PALM2AKAP2: variants seen among roughly 807,000 people sequenced by gnomAD.
The protein encoded by PALM2AKAP2 is PALM2 and AKAP2 fusion, also known as PALM2-AKAP2 fusion protein.
Under a neutral mutation model 71.5 loss-of-function variants are expected in PALM2AKAP2, and 37 were observed. The ratio of observed to expected loss-of-function variants is 0.52; its 90% CI spans 0.40 to 0.68. The LOEUF (loss-of-function observed/expected upper bound fraction) is 0.68, where lower values mean the gene tolerates loss of function less well. Ranked by LOEUF, PALM2AKAP2 falls within the 30% of genes least tolerant of loss-of-function variation. The probability of loss-of-function intolerance (pLI) is 0.00; values close to 1 mark genes in which losing one functional copy is unlikely to be tolerated. For missense variants in PALM2AKAP2, 1,224 were observed against 1,191.8 expected (o/e 1.03, Z -0.40); for synonymous variants, 468 against 478.8 (o/e 0.98, Z 0.29).
At chr9:110,156,349 C>T (rs1345614902) in exon 3 of PALM2AKAP2, 2 of 1,600,580 alleles carry the variant, frequency 1.2e-6, no homozygotes, top group East Asian at 2.2e-5. Flanking sequence ...CCTCCTCCAT[C>T]CCCCACCACT....
chr9:109,759,832 C>G lies in PALM2AKAP2; in HGVS notation c.6-20656C>G, dbSNP rs144444514. 3.4e-4 allele frequency among the ~76,000 whole-genome samples: 51 copies of G among 152,206 alleles called. No homozygotes were observed. In the East Asian group the frequency reaches 7.1e-3, roughly 21 times the overall value. ...AGCACTGCCAATTTCCTATACTGAT[C>G]ATAGATTTTTCCTAATGAAAGGCTC... On this transcript the variant is annotated intron_variant, in intron 1 of 6. Transcript: ENST00000374531.
intron 1 of PALM2AKAP2, among the ~76,000 whole-genome samples, chr9:109,682,759 G>C (rs191730977): frequency 2.0e-5 from 3 of 152,164 alleles, no homozygotes; most frequent in Non-Finnish European, 2.9e-5. Context: ...AGATAACGTC[G>C]TTGGCGAAGC....
At chr9:110,133,184 A>G (rs181451383) in intron 1 of PALM2AKAP2, among the ~76,000 whole-genome samples, 2 of 152,256 alleles carry the variant, frequency 1.3e-5, no homozygotes, top group African/African-American at 2.4e-5. Context: ...ATCATCGAGC[A>G]CTTGAAGTGT....
chr9:109,955,800 A>T (rs1831735320), intron 6 of PALM2AKAP2, among the ~76,000 whole-genome samples: 1 of 151,932 alleles, frequency 6.6e-6, no homozygotes, highest in African/African-American at 2.4e-5. Context: ...AGCTGGGTGT[A>T]GTGGTGCGTA....
chr9:109,786,099 T>C lies in PALM2AKAP2; in HGVS notation c.45+5566T>C, dbSNP rs188075122. 3.9e-5 allele frequency among the ~76,000 whole-genome samples: 6 copies of C among 152,380 alleles called. No individual in the cohort carries two copies. In the East Asian group the frequency reaches 9.6e-4, roughly 24 times the overall value. On this transcript the variant is annotated intron_variant, in intron 1 of 9. Coordinates refer to the PALM2AKAP2 transcript ENST00000302798. ...GCTGTGCCGTGGGCTTACAGAGAAG[T>C]GCTCATTGGCTTTTCGTTGGATTCG...
At chr9:110,157,813 A>G (rs1836497249) in intron 3 of PALM2AKAP2, among the ~76,000 whole-genome samples, 1 of 152,190 alleles carries the variant, frequency 6.6e-6, no homozygotes, top group Non-Finnish European at 1.5e-5. Flanking sequence ...TGCCTTTTAT[A>G]TCCTAGCTGG....
chr9:110,170,013 A>G (rs889854050), exon 4 of PALM2AKAP2: 1 of 152,670 alleles, frequency 6.6e-6, no homozygotes, highest in Non-Finnish European at 1.5e-5. Flanking sequence ...TCACAATTAC[A>G]AAGTTTTGAG....
chr9:110,138,637 T>G (rs1835956870), intron 2 of PALM2AKAP2, 98 bp downstream of exon 8: 1 of 1,447,126 alleles, frequency 6.9e-7, no homozygotes, highest in African/African-American at 1.4e-5. Flanking sequence ...TCTGTGTGTG[T>G]CTGGAATAAG....
In PALM2AKAP2 at chr9:109,939,259, G is replaced by A. The variant is rs985826481; in HGVS notation, c.496+7231G>A. The stretch of plus-strand genomic sequence containing the variant: ...TATGTGGATATACTTAACCTTTCCA[G>A]CAAAGAACTTTTCATCATCATCTCT... On this transcript the variant is annotated intron_variant, in intron 6 of 9. Coordinates refer to the PALM2AKAP2 transcript ENST00000302798. Among the ~76,000 whole-genome samples the A allele has an allele frequency of 2.0e-5, 3 of 152,004 alleles. No individual in the cohort carries two copies. In the South Asian group the frequency reaches 6.2e-4, roughly 32 times the overall value.
chr9:109,660,352 C>G (rs191542477), intron 1 of PALM2AKAP2, among the ~76,000 whole-genome samples: 251 of 152,244 alleles, frequency 1.6e-3, no homozygotes, highest in African/African-American at 5.8e-3. Context: ...CCCAACCCCC[C>G]CAACTCCCGA....
chr9:109,886,479 A>T (rs898666916), intron 3 of PALM2AKAP2, among the ~76,000 whole-genome samples: 3 of 152,164 alleles, frequency 2.0e-5, no homozygotes, highest in African/African-American at 7.2e-5. Flanking sequence ...TATGGGGAAA[A>T]TTTATCTCCC....
At chr9:109,998,580 T>G (rs1832617632) in intron 6 of PALM2AKAP2, among the ~76,000 whole-genome samples, 1 of 147,722 alleles carries the variant, frequency 6.8e-6, no homozygotes, top group African/African-American at 2.5e-5. Flanking sequence ...TTTTTCTGAA[T>G]TGTTTGTGGC....
intron 6 of PALM2AKAP2, among the ~76,000 whole-genome samples, chr9:109,949,520 T>C (rs1831587471): frequency 6.6e-6 from 1 of 152,238 alleles, no homozygotes; most frequent in Non-Finnish European, 1.5e-5. Flanking sequence ...ATATACATTA[T>C]GGAGCTTGAG....
intron 1 of PALM2AKAP2, among the ~76,000 whole-genome samples, chr9:109,706,531 A>T (rs1435822900): frequency 1.3e-5 from 2 of 152,200 alleles, no homozygotes; most frequent in African/African-American, 4.8e-5. Context: ...GAGTTACAAT[A>T]TGAGCTGGGA....
intron 1 of PALM2AKAP2, among the ~76,000 whole-genome samples, chr9:109,737,599 G>C (rs1332747626): frequency 6.6e-6 from 1 of 152,220 alleles, no homozygotes; most frequent in Non-Finnish European, 1.5e-5. Flanking sequence ...AGGAAAACAG[G>C]ACAAGGGCTG....
intron 3 of PALM2AKAP2, among the ~76,000 whole-genome samples, chr9:109,916,223 G>A (rs919640880): frequency 1.3e-5 from 2 of 152,190 alleles, no homozygotes; most frequent in Non-Finnish European, 2.9e-5. Context: ...GCTTTTGTAA[G>A]TAAGAAGGGC....
At chr9:110,152,831 C>A (rs901847552) in intron 2 of PALM2AKAP2, among the ~76,000 whole-genome samples, 3 of 152,178 alleles carry the variant, frequency 2.0e-5, no homozygotes, top group African/African-American at 7.2e-5. Flanking sequence ...TTGAACCATA[C>A]TTGGGGAGGA....
chr9:109,922,022 T>C (rs188315620), intron 3 of PALM2AKAP2, among the ~76,000 whole-genome samples: 23 of 152,212 alleles, frequency 1.5e-4, no homozygotes, highest in Admixed American at 1.3e-3. Context: ...GCTAAATAAA[T>C]TCATGCCTGG....
intron 3 of PALM2AKAP2, among the ~76,000 whole-genome samples, chr9:110,161,091 C>T (rs1385008418): frequency 6.6e-6 from 1 of 152,184 alleles, no homozygotes; most frequent in Non-Finnish European, 1.5e-5. Context: ...CCTTGTGCTT[C>T]CCTAACTCTC....
Sources: gnomAD v4.1 joint callset for allele counts (sites outside exome capture counted in the v4.1 genomes callset) on GRCh38, gnomAD v4.1.1 for gene constraint, MANE v1.5 for transcripts, NCBI Gene and HGNC (gene_info 2026-07-23, HGNC 2026-07-21) for gene names.